Variants in TTLL6 observed in about 807,000 individuals in gnomAD.
TTLL6 encodes tubulin polyglutamylase TTLL6.
Under a neutral mutation model 96.4 loss-of-function variants are expected in TTLL6, and 75 were observed. That is an observed-to-expected ratio of 0.78 (90% CI 0.65 to 0.94). TTLL6 has a LOEUF of 0.94. Ranked by LOEUF, TTLL6 falls within the 40% of genes least tolerant of loss-of-function variation. The pLI, the probability that TTLL6 is intolerant of heterozygous loss-of-function variation, is 0.00. For missense variants in TTLL6, 1,030 were observed against 1,093.0 expected (o/e 0.94, Z 0.81); for synonymous variants, 411 against 419.4 (o/e 0.98, Z 0.24).
At chr17:48,788,687 G>A (rs1017878524) in intron 10 of TTLL6, among the ~76,000 whole-genome samples, 6 of 152,142 alleles carry the variant, frequency 3.9e-5, no homozygotes, top group African/African-American at 9.7e-5. Context: ...GTCCAGAGCT[G>A]TCATTTACCA....
intron 7 of TTLL6, among the ~76,000 whole-genome samples, chr17:48,796,618 C>CAAAA (rs10667928): frequency 1.4e-5 from 2 of 138,294 alleles, no homozygotes; most frequent in African/African-American, 2.7e-5. Flanking sequence ...GACTCCATCT[C>CAAAA]AAAAAAAAAA....
chr17:48,779,139 T>C (rs139662918), intron 13 of TTLL6, among the ~76,000 whole-genome samples: 1 of 151,900 alleles, frequency 6.6e-6, no homozygotes, highest in Non-Finnish European at 1.5e-5. Flanking sequence ...AACTTGAATA[T>C]ACTTGACAAA....
intron 13 of TTLL6, among the ~76,000 whole-genome samples, chr17:48,777,849 T>C (rs1358430190): frequency 1.3e-5 from 2 of 151,954 alleles, no homozygotes; most frequent in Non-Finnish European, 2.9e-5. Flanking sequence ...CGGCAGAGGT[T>C]GCAGTGAGCC....
In TTLL6 at chr17:48,769,209, G is replaced by C. The variant is rs2038681433; in HGVS notation, c.2456C>G (p.Ser819Cys). 1 of 1,612,938 alleles carries C rather than the reference G, an allele frequency of 6.2e-7. No individual in the cohort carries two copies. The highest frequency in any genetic ancestry group is 1.7e-5 in the Admixed American group (1 of 59,982). ...PGECHSRSDS[S>C]GEKRQLDVSS... Reference sequence around the variant, plus strand: ...CACATCCAGCTGCCTCTTCTCGCCAGAGCTGTCACTGCGGGAGTGGCACTC... The same window carrying C: ...CACATCCAGCTGCCTCTTCTCGCCACAGCTGTCACTGCGGGAGTGGCACTC... The change falls in exon 15 of 16, where the codon TCT becomes TGT. Residue 819 changes from serine (S) to cysteine (C), a missense_variant. Transcript: ENST00000393382.
At chr17:48,776,334 G>A (rs933511912) in intron 13 of TTLL6, among the ~76,000 whole-genome samples, 6 of 152,046 alleles carry the variant, frequency 3.9e-5, no homozygotes, top group African/African-American at 9.7e-5. Context: ...CCAGGTGTGC[G>A]CCTGTAGTCC....
At chr17:48,810,824 T>TATATATATATA (rs1435209864) in intron 1 of TTLL6, among the ~76,000 whole-genome samples, 3,589 of 56,450 alleles carry the variant, frequency 0.064, 1,279 homozygotes, top group East Asian at 0.47. Flanking sequence ...AGTATGTGTG[T>TATATATATATA]GTATATATAT....
At chr17:48,780,946 C>A (rs1293484400) in intron 13 of TTLL6, among the ~76,000 whole-genome samples, 1 of 152,086 alleles carries the variant, frequency 6.6e-6, no homozygotes, top group Non-Finnish European at 1.5e-5. Flanking sequence ...AAAAATGCTG[C>A]AATGAACATG....
At chr17:48,792,809 C>A (rs932793287) in intron 8 of TTLL6, among the ~76,000 whole-genome samples, 1 of 152,126 alleles carries the variant, frequency 6.6e-6, no homozygotes, top group South Asian at 2.1e-4. Flanking sequence ...TTTTCCAGAT[C>A]GCTTTAAGCC....
chr17:48,810,399 G>A (rs2039563040), intron 1 of TTLL6, among the ~76,000 whole-genome samples: 1 of 151,968 alleles, frequency 6.6e-6, no homozygotes, highest in Non-Finnish European at 1.5e-5. Context: ...TTTGTCTTTG[G>A]CCTCCTTGCT....
chr17:48,810,436 G>T (rs917890197), intron 1 of TTLL6, among the ~76,000 whole-genome samples: 1 of 152,056 alleles, frequency 6.6e-6, no homozygotes, highest in Non-Finnish European at 1.5e-5. Context: ...TTCTCTCCCT[G>T]TTTAATCTCC....
chr17:48,788,046 A>AT, intron 10 of TTLL6, 47 bp from the exon 11 acceptor site: 1 of 1,588,122 alleles, frequency 6.3e-7, no homozygotes, highest in Non-Finnish European at 8.6e-7. Context: ...TTCTTGGGAC[A>AT]AAGCCTGGAA....
chr17:48,788,878 G>A (rs1245922807), intron 10 of TTLL6, among the ~76,000 whole-genome samples: 2 of 152,172 alleles, frequency 1.3e-5, no homozygotes, highest in South Asian at 2.1e-4. Flanking sequence ...ATCAGTTCCA[G>A]AAACTCAACC....
intron 1 of TTLL6, among the ~76,000 whole-genome samples, chr17:48,811,068 C>CTT (rs35618180): frequency 4.8e-4 from 53 of 110,526 alleles, no homozygotes; most frequent in South Asian, 9.0e-4. Flanking sequence ...TATTATTTTT[C>CTT]TTTTTTTTTT....
At position 48,804,930 on chromosome 17, in the gene TTLL6, C is replaced by T. The variant is rs2039483994; in HGVS notation, c.165G>A (p.Leu55=). Residue 55 remains leucine, a synonymous_variant, in exon 2 of 16, where the codon TTG becomes TTA. Coordinates refer to ENST00000393382, the MANE Select transcript of TTLL6 (RefSeq NM_001130918.3). ...QAREMPQCPT[L]ESQEGENSEE... is the part of the protein sequence containing the mutation. Reference sequence around the variant, plus strand: ...CGGAGTTTTCCCCTTCCTGGCTTTCCAAAGTCGGGCACTGTGGCATCTCCC... The same window carrying T: ...CGGAGTTTTCCCCTTCCTGGCTTTCTAAAGTCGGGCACTGTGGCATCTCCC... 5 of 1,470,776 alleles carry T rather than the reference C, an allele frequency of 3.4e-6. No individual in the cohort carries two copies. The East Asian group carries it at 1.2e-4, about 37-fold the overall frequency. 91.1% of individuals were successfully genotyped at this position (1,470,776 alleles called of 1,614,324 possible).
At chr17:48,805,827 A>AT (rs1555569022) in intron 1 of TTLL6, among the ~76,000 whole-genome samples, 1 of 151,818 alleles carries the variant, frequency 6.6e-6, no homozygotes, top group South Asian at 2.1e-4. Flanking sequence ...ACAAAAAAAA[A>AT]GGCTAGGCGC....
In TTLL6 at chr17:48,789,927, G is replaced by C. The variant is rs780398077; in HGVS notation, c.1400+4C>G. 1 of 1,613,790 alleles carries C rather than the reference G, an allele frequency of 6.2e-7. No homozygotes were observed. The highest frequency in any genetic ancestry group is 1.7e-5 in the Admixed American group (1 of 59,988). Reference sequence around the variant, plus strand: ...CCCCGCAAGGCTGGGGAGTGCGAATGTACCTCATCTCCCGAGAACAACACT... The same window carrying C: ...CCCCGCAAGGCTGGGGAGTGCGAATCTACCTCATCTCCCGAGAACAACACT... On this transcript the variant is annotated splice_donor_region_variant and intron_variant, in intron 10 of 15. Coordinates refer to ENST00000393382, the MANE Select transcript of TTLL6 (RefSeq NM_001130918.3).
At chr17:48,763,413 C>A (rs1275488150) in intron 15 of TTLL6, among the ~76,000 whole-genome samples, 1 of 152,214 alleles carries the variant, frequency 6.6e-6, no homozygotes, top group African/African-American at 2.4e-5. Context: ...TCATCCTCAT[C>A]AGCAATAGCA....
chr17:48,785,345 C>T (rs1337268881), intron 12 of TTLL6, 144 bp from the exon 13 acceptor site: 10 of 1,242,188 alleles, frequency 8.1e-6, no homozygotes, highest in Non-Finnish European at 9.9e-6. Context: ...GTGGGGCTCT[C>T]AACTTGGAAT....
At chr17:48,780,017 T>C (rs777249271) in intron 13 of TTLL6, among the ~76,000 whole-genome samples, 10 of 151,840 alleles carry the variant, frequency 6.6e-5, no homozygotes, top group Non-Finnish European at 1.2e-4. Context: ...GGTTATAGGG[T>C]ACATTTATTT....
Sources: allele counts gnomAD v4.1 joint callset (sites outside exome capture counted in the v4.1 genomes callset), GRCh38; gene constraint gnomAD v4.1.1; transcripts MANE v1.5; gene names NCBI Gene and HGNC (gene_info 2026-07-23, HGNC 2026-07-21).